The following CHST9 variants were observed in gnomAD, a reference collection of about 807,000 sequenced individuals.
The protein encoded by CHST9 is carbohydrate sulfotransferase 9, also known as GalNAc-4-sulfotransferase 2.
CHST9 carries 41 observed loss-of-function variants against 44.4 expected under a neutral mutation model. The ratio of observed to expected loss-of-function variants is 0.92; its 90% CI spans 0.72 to 1.20. The LOEUF (loss-of-function observed/expected upper bound fraction) is 1.20, where lower values mean the gene tolerates loss of function less well. Among genes scored for constraint, CHST9 ranks in the 50% most tolerant of loss-of-function variants. The pLI, the probability that CHST9 is intolerant of heterozygous loss-of-function variation, is 0.00. For missense variants in CHST9, 504 were observed against 516.5 expected (o/e 0.98, Z 0.23); for synonymous variants, 171 against 178.4 (o/e 0.96, Z 0.33).
At chr18:27,093,171 A>C (rs1406043020) in intron 2 of CHST9, among the ~76,000 whole-genome samples, 1 of 152,208 alleles carries the variant, frequency 6.6e-6, no homozygotes, top group African/African-American at 2.4e-5. Flanking sequence ...ACCTACTGGG[A>C]GGTGTCTCCC....
At chr18:26,942,527 C>T (rs2056099201) in intron 5 of CHST9, among the ~76,000 whole-genome samples, 2 of 152,018 alleles carry the variant, frequency 1.3e-5, no homozygotes, top group Non-Finnish European at 2.9e-5. Flanking sequence ...TTGGTGTCTA[C>T]ATATTTTGTT....
chr18:27,056,621 A>G (rs1452129804), intron 2 of CHST9, among the ~76,000 whole-genome samples: 1 of 152,226 alleles, frequency 6.6e-6, no homozygotes, highest in Non-Finnish European at 1.5e-5. Flanking sequence ...TGCATAACAC[A>G]ACAATATTTA....
chr18:27,062,629 A>C (rs1197087425), intron 2 of CHST9, among the ~76,000 whole-genome samples: 2 of 152,162 alleles, frequency 1.3e-5, no homozygotes, highest in African/African-American at 4.8e-5. Flanking sequence ...ACACGTATGC[A>C]TGTGTCTTTA....
At chr18:27,154,115 T>C (rs1180859647) in intron 1 of CHST9, among the ~76,000 whole-genome samples, 1 of 152,164 alleles carries the variant, frequency 6.6e-6, no homozygotes, top group Non-Finnish European at 1.5e-5. Flanking sequence ...TCAATTTTAT[T>C]ATGAGGCAAT....
intron 5 of CHST9, among the ~76,000 whole-genome samples, chr18:26,921,214 C>T (rs1369474206): frequency 6.6e-6 from 1 of 152,090 alleles, no homozygotes; most frequent in Non-Finnish European, 1.5e-5. Flanking sequence ...CACATGAGCC[C>T]TCATGCAGAC....
chr18:27,015,204 C>T (rs1037027707), intron 4 of CHST9, among the ~76,000 whole-genome samples: 12 of 152,198 alleles, frequency 7.9e-5, no homozygotes, highest in Non-Finnish European at 1.6e-4. Context: ...GTGCTGCAAG[C>T]TCAACGGCCT....
intron 2 of CHST9, among the ~76,000 whole-genome samples, chr18:27,076,110 C>G (rs571898071): frequency 7.9e-5 from 12 of 152,318 alleles, no homozygotes; most frequent in African/African-American, 2.6e-4. Flanking sequence ...TCTGACATTT[C>G]TTAATATTCA....
intron 5 of CHST9, among the ~76,000 whole-genome samples, chr18:26,921,620 T>A (rs1293316550): frequency 6.6e-6 from 1 of 152,146 alleles, no homozygotes; most frequent in Non-Finnish European, 1.5e-5. Flanking sequence ...TTTGCATTAC[T>A]AAAATCATAG....
intron 2 of CHST9, among the ~76,000 whole-genome samples, chr18:27,113,100 A>T (rs2058287930): frequency 1.3e-5 from 2 of 151,868 alleles, no homozygotes; most frequent in Admixed American, 1.3e-4. Context: ...GAGGCAGGAG[A>T]ATGGCATGAA....
chr18:26,992,113 C>T (rs1162922602), intron 4 of CHST9, among the ~76,000 whole-genome samples: 1 of 126,764 alleles, frequency 7.9e-6, no homozygotes, highest in East Asian at 2.7e-4. Context: ...TTTGGGGATC[C>T]CAACTTTGAG....
intron 3 of CHST9, among the ~76,000 whole-genome samples, chr18:27,046,434 C>G (rs1015296742): frequency 4.0e-5 from 6 of 151,814 alleles, no homozygotes; most frequent in Admixed American, 2.0e-4. Flanking sequence ...GGTCCAGAAC[C>G]TAATATTGGT....
rs1380032576 is a variant in CHST9 at position 26,916,904 on chromosome 18, T to G, written c.687A>C (p.Arg229Ser). Reference sequence around the variant, plus strand: ...CCAATCCATTTAGTACCATCAGAATTCTTTTCCAATTGGAACAGCCAGCCT... The same window carrying G: ...CCAATCCATTTAGTACCATCAGAATGCTTTTCCAATTGGAACAGCCAGCCT... ...VPKAGCSNWKRILMVLNGLAS... is the reference protein window; with the variant it reads ...VPKAGCSNWKSILMVLNGLAS... The change falls in exon 6 of 6, where the codon AGA becomes AGC. Residue 229 changes from arginine to serine, a missense_variant. Coordinates refer to ENST00000618847, the MANE Select transcript of CHST9 (RefSeq NM_031422.6). The G allele has an allele frequency of 1.2e-6, 2 of 1,613,784 alleles. No homozygotes were observed. Among genetic ancestry groups the G allele is most frequent in the Non-Finnish European group, 1.7e-6 (2 of 1,179,862 alleles).
At chr18:27,055,823 G>A (rs1380901087) in intron 2 of CHST9, among the ~76,000 whole-genome samples, 4 of 152,064 alleles carry the variant, frequency 2.6e-5, no homozygotes, top group African/African-American at 7.2e-5. Context: ...TTTGGAGTTC[G>A]ATGGACTAAC....
At chr18:27,029,409 A>G in intron 3 of CHST9, among the ~76,000 whole-genome samples, 1 of 152,132 alleles carries the variant, frequency 6.6e-6, no homozygotes, top group East Asian at 1.9e-4. Context: ...CAGTAACAAC[A>G]CAGAAGAACC....
At position 26,984,475 on chromosome 18, in the gene CHST9, G is replaced by A. The variant is rs900412398; in HGVS notation, c.202+39641C>T. On this transcript the variant is annotated intron_variant, in intron 4 of 5. Transcript: ENST00000618847. Reference sequence around the variant, plus strand: ...GAGTAGGCAACAGTTTCTCAAACAGGATATAAAAGAACTAGCAATAAGGGG... The same window carrying A: ...GAGTAGGCAACAGTTTCTCAAACAGAATATAAAAGAACTAGCAATAAGGGG... Among the ~76,000 whole-genome samples, 3 of 151,984 alleles carry A rather than the reference G, an allele frequency of 2.0e-5. No individual in the cohort carries two copies. The East Asian group carries it at 5.8e-4, about 29-fold the overall frequency.
At position 27,070,035 on chromosome 18, in the gene CHST9, T is replaced by C. The variant is rs1009343380; in HGVS notation, c.122-21532A>G. ...AATAATTTCATAGGAAGATAATTGGTATTTAAATCACCCTCTATGCCACTG... is the reference window on the plus strand; with the variant it reads ...AATAATTTCATAGGAAGATAATTGGCATTTAAATCACCCTCTATGCCACTG... On this transcript the variant is annotated intron_variant, in intron 2 of 5. Coordinates refer to ENST00000618847, the MANE Select transcript of CHST9 (RefSeq NM_031422.6). Among the ~76,000 whole-genome samples the C allele has an allele frequency of 4.6e-5, 7 of 152,196 alleles. No individual in the cohort carries two copies. The South Asian group carries it at 1.2e-3, about 27-fold the overall frequency.
Position 27,143,254 on chromosome 18 carries a change from C to T in CHST9, c.-96-349G>A, listed in dbSNP as rs553959263. On this transcript the variant is annotated intron_variant, in intron 1 of 5. Coordinates refer to ENST00000618847, the MANE Select transcript of CHST9 (RefSeq NM_031422.6). ...AATAACAGAATGGGTTGTTAAAGGA[C>T]GGGTTTTGAAAAACATGCTTGTAGA... Among the ~76,000 whole-genome samples the T allele has an allele frequency of 6.2e-4, 94 of 152,168 alleles. 1 individual carries two copies. Among genetic ancestry groups the T allele is most frequent in the African/African-American group, 1.4e-3 (59 of 41,520 alleles).
intron 2 of CHST9, among the ~76,000 whole-genome samples, chr18:27,133,819 C>T (rs529859175): frequency 8.5e-5 from 13 of 152,212 alleles, no homozygotes; most frequent in African/African-American, 2.6e-4. Flanking sequence ...GCCAAGGAAA[C>T]GTGCTCCAGG....
chr18:27,172,423 T>C (rs959413116), intron 1 of CHST9, among the ~76,000 whole-genome samples: 1 of 152,062 alleles, frequency 6.6e-6, no homozygotes, highest in Admixed American at 6.6e-5. Flanking sequence ...CTGATATAAA[T>C]ATGAGTAGCA....
Sources: gnomAD v4.1 joint callset for allele counts (sites outside exome capture counted in the v4.1 genomes callset) on GRCh38, gnomAD v4.1.1 for gene constraint, MANE v1.5 for transcripts, NCBI Gene and HGNC (gene_info 2026-07-23, HGNC 2026-07-21) for gene names.